Variants in CIAO2A observed in about 807,000 individuals in gnomAD.
CIAO2A encodes MIP18 family protein FAM96A.
Under a neutral mutation model 22.4 loss-of-function variants are expected in CIAO2A, and 17 were observed. The ratio of observed to expected loss-of-function variants is 0.76; its 90% confidence interval spans 0.52 to 1.14. The LOEUF is 1.14. Ranked by LOEUF, CIAO2A falls within the 50% of genes most tolerant of loss-of-function variation. CIAO2A has a pLI of 0.00. For missense variants in CIAO2A, 192 were observed against 191.4 expected (o/e 1.00, Z -0.02); for synonymous variants, 74 against 72.3 (o/e 1.02, Z -0.12).
At chr15:64,081,065 T>C (rs1317089654) in intron 3 of CIAO2A, 37 bp downstream of exon 3, 1 of 1,595,714 alleles carries the variant, frequency 6.3e-7, no homozygotes, top group Non-Finnish European at 8.6e-7. Flanking sequence ...AAAGCTGTTT[T>C]ACAACAACAA....
chr15:64,072,999 C>A lies in CIAO2A; in HGVS notation c.415G>T (p.Val139Leu). The part of the protein sequence containing the change: ...INKQINDKER[V>L]AAAMENPNLR... ...TTGGGGTTTTCCATTGCAGCTGCCA[C>A]TCGCTCTTTGTCATTTATCTGCTTA... The change falls in exon 5 of 5, where the codon GTG becomes TTG. Residue 139 changes from valine (V) to leucine (L), a missense_variant. Val to Leu is a conservative substitution (Grantham distance 32). Coordinates refer to ENST00000300030, the MANE Select transcript of CIAO2A (RefSeq NM_032231.7). 1 of 1,613,732 alleles carries A rather than the reference C, an allele frequency of 6.2e-7. No individual in the cohort carries two copies. The highest frequency in any genetic ancestry group is 8.5e-7 in the Non-Finnish European group (1 of 1,179,782).
chr15:64,087,652 C>T (rs927602476), intron 2 of CIAO2A, among the ~76,000 whole-genome samples: 2 of 152,196 alleles, frequency 1.3e-5, no homozygotes, highest in Non-Finnish European at 1.5e-5. Context: ...TGAGAAAAGA[C>T]AGAAATCACA....
Position 64,083,395 on chromosome 15 carries a change from G to A in CIAO2A, c.290-2244C>T, listed in dbSNP as rs1343892352. On this transcript the variant is annotated intron_variant, in intron 2 of 4. Coordinates refer to ENST00000300030, the MANE Select transcript of CIAO2A (RefSeq NM_032231.7). ...CAGCTGCCTTCAGCCATTCTTATCT[G>A]GAATAAGTCACCACAAATGATTATC... Among the ~76,000 whole-genome samples the A allele has an allele frequency of 3.9e-5, 6 of 152,092 alleles. No individual in the cohort carries two copies. The East Asian group carries it at 7.7e-4, about 20-fold the overall frequency.
chr15:64,080,879 G>A (rs1441475445), intron 3 of CIAO2A, among the ~76,000 whole-genome samples: 2 of 152,082 alleles, frequency 1.3e-5, no homozygotes, highest in African/African-American at 4.8e-5. Flanking sequence ...GAAAAGAAAT[G>A]AAAATATATG....
At chr15:64,076,583 C>T (rs1243269602) in intron 3 of CIAO2A, among the ~76,000 whole-genome samples, 2 of 152,048 alleles carry the variant, frequency 1.3e-5, no homozygotes, top group East Asian at 1.9e-4. Context: ...GTAATAAAGA[C>T]GTCTACTTTC....
chr15:64,086,034 T>C (rs1294286253), intron 2 of CIAO2A, among the ~76,000 whole-genome samples: 1 of 151,978 alleles, frequency 6.6e-6, no homozygotes, highest in African/African-American at 2.4e-5. Context: ...GCTGGTTTTT[T>C]TCTTTATGTT....
Position 64,075,489 on chromosome 15 carries a change from T to A in CIAO2A, c.385+3A>T. On this transcript the variant is annotated splice_donor_region_variant and intron_variant, in intron 4 of 4. Transcript: ENST00000300030. ...TTTCAATTATGTTTCAACATTCACTTACTGTCTTCTTCTGTTGAGTGGGTT... is the reference window on the plus strand; with the variant it reads ...TTTCAATTATGTTTCAACATTCACTAACTGTCTTCTTCTGTTGAGTGGGTT... 6.4e-7 allele frequency: 1 copy of A among 1,564,594 alleles called. No homozygotes were observed. The highest frequency in any genetic ancestry group is 1.2e-5 in the South Asian group (1 of 85,122).
intron 4 of CIAO2A, among the ~76,000 whole-genome samples, chr15:64,073,256 T>C (rs1441521359): frequency 6.6e-6 from 1 of 152,234 alleles, no homozygotes; most frequent in Non-Finnish European, 1.5e-5. Context: ...TTCCAGTCTT[T>C]GTCCATACAC....
rs1391377809 is a variant in CIAO2A at position 64,075,495 on chromosome 15, C to T, written c.382G>A (p.Asp128Asn). ...TTATGTTTCAACATTCACTTACTGTCTTCTTCTGTTGAGTGGGTTCCTTCA... is the reference window on the plus strand; with the variant it reads ...TTATGTTTCAACATTCACTTACTGTTTTCTTCTGTTGAGTGGGTTCCTTCA... ...ISEGTHSTEE[D>N]INKQINDKER... Residue 128 changes from aspartate to asparagine, a missense_variant, in exon 4 of 5, where the codon GAC (aspartate) becomes AAC (asparagine). By Grantham distance (23) the Asp-to-Asn change is conservative. Transcript: ENST00000300030. 1.9e-6 allele frequency: 3 copies of T among 1,577,454 alleles called. No homozygotes were observed. Among genetic ancestry groups the T allele is most frequent in the Non-Finnish European group, 2.6e-6 (3 of 1,158,724 alleles).
chr15:64,077,481 T>C (rs1234748587), intron 3 of CIAO2A, among the ~76,000 whole-genome samples: 1 of 152,242 alleles, frequency 6.6e-6, no homozygotes, highest in Admixed American at 6.5e-5. Context: ...GCTATTCCTA[T>C]ATGAACTATA....
chr15:64,078,008 C>T (rs2080731639), intron 3 of CIAO2A, among the ~76,000 whole-genome samples: 1 of 152,070 alleles, frequency 6.6e-6, no homozygotes, highest in Non-Finnish European at 1.5e-5. Context: ...TGTGTGTGTA[C>T]ATATATAGAG....
intron 4 of CIAO2A, 180 bp downstream of exon 4, chr15:64,075,312 A>G: frequency 1.9e-6 from 1 of 516,348 alleles, no homozygotes; most frequent in East Asian, 3.5e-5. Context: ...CTCGGAGTCC[A>G]CTGCAAAAAT....
At chr15:64,081,214 G>GCATACAACTGCGTTTATGTGCCCC in intron 2 of CIAO2A, 63 bp from the exon 3 acceptor site, 1 of 1,505,026 alleles carries the variant, frequency 6.6e-7, no homozygotes, top group Non-Finnish European at 9.2e-7. Context: ...TCTTGAAAAA[G>GCATACAACTGCGTTTATGTGCCCC]CATACAACTG....
intron 1 of CIAO2A, among the ~76,000 whole-genome samples, chr15:64,090,554 G>A (rs967230489): frequency 3.9e-5 from 6 of 152,098 alleles, no homozygotes; most frequent in African/African-American, 1.4e-4. Flanking sequence ...AGAAACAAAA[G>A]CAAAAAGAAC....
At chr15:64,089,576 G>C (rs1368096583) in intron 1 of CIAO2A, among the ~76,000 whole-genome samples, 1 of 152,126 alleles carries the variant, frequency 6.6e-6, no homozygotes, top group African/African-American at 2.4e-5. Flanking sequence ...CCTGGAAGCA[G>C]GCATAAGTGA....
In CIAO2A at chr15:64,075,601, T is replaced by C. The variant is rs915244420; in HGVS notation, c.340-64A>G. On this transcript the variant is annotated intron_variant, in intron 3 of 4. Transcript: ENST00000300030. ...TGCATTCTAAGATAAGAGAGTGAAG[T>C]GGAATGTACAGTAAATTCAAACATC... 44 of 1,026,600 alleles carry C rather than the reference T, an allele frequency of 4.3e-5. No homozygotes were observed. The East Asian group carries it at 9.2e-4, about 22-fold the overall frequency. 63.6% of individuals were successfully genotyped at this position (1,026,600 alleles called of 1,614,324 possible).
chr15:64,086,360 C>A (rs1842534789), intron 2 of CIAO2A, among the ~76,000 whole-genome samples: 2 of 151,800 alleles, frequency 1.3e-5, no homozygotes, highest in Non-Finnish European at 2.9e-5. Flanking sequence ...TGCAGTAAGC[C>A]AAGATTGCAC....
At chr15:64,075,422 G>T in intron 4 of CIAO2A, 70 bp downstream of exon 4, 2 of 969,056 alleles carry the variant, frequency 2.1e-6, no homozygotes, top group Non-Finnish European at 3.0e-6. Flanking sequence ...TTGGCTGGCA[G>T]AAGAATCCAG....
intron 1 of CIAO2A, among the ~76,000 whole-genome samples, chr15:64,091,645 G>A (rs1289374990): frequency 1.3e-5 from 2 of 152,036 alleles, no homozygotes; most frequent in Non-Finnish European, 2.9e-5. Flanking sequence ...CTCCCCATAA[G>A]GCTCATTTAA....
Sources: allele counts gnomAD v4.1 joint callset (sites outside exome capture counted in the v4.1 genomes callset), GRCh38; gene constraint gnomAD v4.1.1; transcripts MANE v1.5; gene names NCBI Gene and HGNC (gene_info 2026-07-23, HGNC 2026-07-21).